The following NCOA2 variants were observed in gnomAD, a reference collection of about 807,000 sequenced individuals.
NCOA2 encodes the protein nuclear receptor coactivator 2, also known as class E basic helix-loop-helix protein 75.
NCOA2 carries 21 observed loss-of-function variants against 145.1 expected under a neutral mutation model. The ratio of observed to expected loss-of-function variants is 0.14; its 90% CI spans 0.10 to 0.21. The LOEUF is 0.21. Ranked by LOEUF, NCOA2 falls within the 10% of genes least tolerant of loss-of-function variation. NCOA2 has a pLI of 1.00. For missense variants in NCOA2, 1,472 were observed against 1,837.6 expected (o/e 0.80, Z 3.64); for synonymous variants, 619 against 637.5 (o/e 0.97, Z 0.44).
chr8:70,147,127 C>CGT (rs1195939923), intron 12 of NCOA2, among the ~76,000 whole-genome samples: 2,703 of 144,744 alleles, frequency 0.019, 43 homozygotes, highest in Middle Eastern at 0.053. Flanking sequence ...CGCGCGCGCG[C>CGT]GTGTGTGTGT....
intron 1 of NCOA2, among the ~76,000 whole-genome samples, chr8:70,339,020 G>A (rs1213472525): frequency 1.3e-5 from 2 of 151,888 alleles, no homozygotes; most frequent in African/African-American, 2.4e-5. Flanking sequence ...CTTGAAAACC[G>A]GCATAAGACA....
intron 2 of NCOA2, among the ~76,000 whole-genome samples, chr8:70,238,160 G>A (rs767074508): frequency 1.1e-4 from 17 of 151,956 alleles, no homozygotes; most frequent in South Asian, 4.2e-4. Flanking sequence ...ACGCGCGCGC[G>A]CGCGTGTGTG....
chr8:70,131,190 T>A (rs1455482255), intron 16 of NCOA2, among the ~76,000 whole-genome samples: 1 of 152,122 alleles, frequency 6.6e-6, no homozygotes, highest in Non-Finnish European at 1.5e-5. Context: ...CATTTTATTT[T>A]TTTTTTGGTA....
At chr8:70,419,554 C>T in the NCOA2 span, among the ~76,000 whole-genome samples, 2 of 151,908 alleles carry the variant, frequency 1.3e-5, no homozygotes, top group African/African-American at 4.8e-5. Flanking sequence ...CTTGTCCCTA[C>T]TTATTGTTTT....
chr8:70,302,619 T>C (rs1290422854), intron 1 of NCOA2, among the ~76,000 whole-genome samples: 3 of 152,314 alleles, frequency 2.0e-5, no homozygotes, highest in East Asian at 1.9e-4. Flanking sequence ...ATTTTGCCTA[T>C]TAAGGTATAC....
At chr8:70,382,111 T>C (rs866066287) in intron 1 of NCOA2, among the ~76,000 whole-genome samples, 16 of 151,912 alleles carry the variant, frequency 1.1e-4, no homozygotes, top group African/African-American at 3.4e-4. Context: ...AAAACCTAAA[T>C]ACATACAGAA....
chr8:70,149,057 C>G (rs1403237126), intron 11 of NCOA2, among the ~76,000 whole-genome samples: 1 of 151,682 alleles, frequency 6.6e-6, no homozygotes, highest in Admixed American at 6.6e-5. Flanking sequence ...GAACTAAGCA[C>G]TGCCTTTTCA....
intron 1 of NCOA2, among the ~76,000 whole-genome samples, chr8:70,395,317 AG>A (rs1813553514): frequency 6.6e-6 from 1 of 152,188 alleles, no homozygotes; most frequent in Non-Finnish European, 1.5e-5. Context: ...TCTTAATGCC[AG>A]GCACACCCTA....
chr8:70,362,301 T>A (rs1048076602), intron 1 of NCOA2, among the ~76,000 whole-genome samples: 1 of 152,196 alleles, frequency 6.6e-6, no homozygotes, highest in Non-Finnish European at 1.5e-5. Flanking sequence ...ATGGACTTTT[T>A]AAAACCTTTT....
chr8:70,387,633 C>T (rs1812787203), intron 1 of NCOA2, among the ~76,000 whole-genome samples: 1 of 150,662 alleles, frequency 6.6e-6, no homozygotes, highest in Admixed American at 6.6e-5. Context: ...TCAATGCTTC[C>T]TCCCTGCTGA....
the NCOA2 span, among the ~76,000 whole-genome samples, chr8:70,413,311 T>A: frequency 6.6e-6 from 1 of 152,138 alleles, no homozygotes; most frequent in South Asian, 2.1e-4. Flanking sequence ...TCTAGAATTT[T>A]TTCAAGCAAA....
intron 5 of NCOA2, 126 bp downstream of exon 5, chr8:70,174,630 C>A: frequency 1.2e-6 from 1 of 833,818 alleles, no homozygotes; most frequent in Non-Finnish European, 1.9e-6. Context: ...TATCAGCAAG[C>A]TCAAGAGGTC....
upstream of NCOA2, among the ~76,000 whole-genome samples, chr8:70,407,301 TAA>T (rs1449537841): frequency 6.6e-6 from 1 of 152,260 alleles, no homozygotes; most frequent in Non-Finnish European, 1.5e-5. Flanking sequence ...ATGTCTAATA[TAA>T]GTCAAGCATA....
intron 1 of NCOA2, among the ~76,000 whole-genome samples, chr8:70,305,510 A>G (rs571256506): frequency 1.3e-5 from 2 of 152,188 alleles, no homozygotes; most frequent in Admixed American, 1.3e-4. Context: ...CAATTTATCT[A>G]AAGTCAAAAA....
intron 2 of NCOA2, among the ~76,000 whole-genome samples, chr8:70,283,639 T>A (rs185046379): frequency 6.6e-6 from 1 of 152,378 alleles, no homozygotes; most frequent in East Asian, 1.9e-4. Flanking sequence ...AAAGTCTTTA[T>A]GTTGTCTACC....
the NCOA2 span, among the ~76,000 whole-genome samples, chr8:70,421,820 C>T: frequency 3.3e-5 from 5 of 151,712 alleles, no homozygotes; most frequent in Non-Finnish European, 7.4e-5. Context: ...ATATGCCAGG[C>T]GCAGTGGCTC....
intron 4 of NCOA2, among the ~76,000 whole-genome samples, chr8:70,186,284 T>C (rs1220703434): frequency 6.6e-6 from 1 of 152,238 alleles, no homozygotes; most frequent in Non-Finnish European, 1.5e-5. Flanking sequence ...AATATTTATA[T>C]CATATAGAAA....
intron 2 of NCOA2, among the ~76,000 whole-genome samples, chr8:70,293,130 A>C (rs1826829994): frequency 6.6e-6 from 1 of 152,198 alleles, no homozygotes; most frequent in African/African-American, 2.4e-5. Flanking sequence ...ATAAATAAAT[A>C]TGGGCAGATT....
intron 1 of NCOA2, among the ~76,000 whole-genome samples, chr8:70,303,953 A>C (rs1423474600): frequency 6.6e-6 from 1 of 152,052 alleles, no homozygotes; most frequent in Non-Finnish European, 1.5e-5. Context: ...TAGAATTTTT[A>C]TTGTTTTTCT....
Sources: gnomAD v4.1 joint callset for allele counts (sites outside exome capture counted in the v4.1 genomes callset) on GRCh38, gnomAD v4.1.1 for gene constraint, MANE v1.5 for transcripts, NCBI Gene and HGNC (gene_info 2026-07-23, HGNC 2026-07-21) for gene names.